Variants in TCF20 observed in about 807,000 individuals in gnomAD.
TCF20 encodes SPRE-binding protein.
Under a neutral mutation model 148.6 loss-of-function variants are expected in TCF20, and 3 were observed. The observed-to-expected ratio is 0.02, with a 90% CI of 0.01 to 0.05. The LOEUF (loss-of-function observed/expected upper bound fraction) is 0.05, where lower values mean the gene tolerates loss of function less well. Ranked by LOEUF, TCF20 falls within the 10% of genes least tolerant of loss-of-function variation. The pLI is 1.00. For missense variants in TCF20, 2,350 were observed against 2,429.3 expected (o/e 0.97, Z 0.69); for synonymous variants, 1,049 against 909.5 (o/e 1.15, Z -2.76).
chr22:42,175,382 C>G (rs368198046), intron 3 of TCF20, among the ~76,000 whole-genome samples: 1 of 152,020 alleles, frequency 6.6e-6, no homozygotes, highest in African/African-American at 2.4e-5. Context: ...CGCTCTGTTG[C>G]CAGGCTGGAG....
chr22:42,340,160 C>T (rs1458053789), intron 1 of TCF20, among the ~76,000 whole-genome samples: 1 of 152,174 alleles, frequency 6.6e-6, no homozygotes, highest in Non-Finnish European at 1.5e-5. Context: ...CAGACATTCC[C>T]AGGCCCAGGG....
At chr22:42,301,167 G>A (rs1303435180) in intron 1 of TCF20, among the ~76,000 whole-genome samples, 9 of 152,214 alleles carry the variant, frequency 5.9e-5, no homozygotes, top group African/African-American at 1.7e-4. Context: ...TCAGAAATGC[G>A]GAAGTTTATC....
intron 3 of TCF20, among the ~76,000 whole-genome samples, chr22:42,171,894 C>T (rs978745225): frequency 1.3e-5 from 2 of 152,190 alleles, no homozygotes; most frequent in Non-Finnish European, 2.9e-5. Context: ...GCAAAGGGTG[C>T]CATCAGAAAG....
intron 1 of TCF20, among the ~76,000 whole-genome samples, chr22:42,277,677 C>T (rs1417124215): frequency 6.6e-6 from 1 of 152,108 alleles, no homozygotes; most frequent in Admixed American, 6.5e-5. Flanking sequence ...AGAGGCTTTG[C>T]GACTTTATCC....
At position 42,199,706 on chromosome 22, in the gene TCF20, CAAAAAAAAAAAAAAA is replaced by C. The variant is rs59845847; in HGVS notation, c.5655+9930_5655+9944del. Among the ~76,000 whole-genome samples the C allele has an allele frequency of 5.9e-4, 20 of 33,870 alleles. No homozygotes were observed. In the South Asian group the frequency reaches 0.017, roughly 29 times the overall value. The allele number at this position is 33,870 out of a possible 152,430, so 22.2% of individuals were successfully genotyped here. ...CTAACATGGCAAAACCCCATCTCTA[CAAAAAAAAAAAAAAA>C]AAAAAAAAAAAAAAAATTAGCCAGA... is the stretch of plus-strand genomic sequence containing the variant. On this transcript the variant is annotated intron_variant, in intron 2 of 5. Coordinates refer to ENST00000677622, the MANE Select transcript of TCF20 (RefSeq NM_001378418.1).
At chr22:42,209,474 G>C (rs1429453537) in intron 2 of TCF20, among the ~76,000 whole-genome samples, 177 bp downstream of exon 2, 1 of 152,266 alleles carries the variant, frequency 6.6e-6, no homozygotes, top group African/African-American at 2.4e-5. Context: ...AATGAAAAAC[G>C]ATTTTAGAAG....
At position 42,211,411 on chromosome 22, in the gene TCF20, A is replaced by G. The variant is rs1920959020; in HGVS notation, c.3895T>C (p.Tyr1299His). ...TCCTGACTGTGAGAAAGATGGGCAT[A>G]GGAATTGAATGCTTTATCAGCGCCT... ...KEGADKAFNSYAHLSHSQDIK... is the reference protein window; with the variant it reads ...KEGADKAFNSHAHLSHSQDIK... The change falls in exon 2 of 6, where the codon TAT (tyrosine) becomes CAT (histidine). Residue 1299 changes from tyrosine to histidine, a missense_variant. Physicochemically the swap from Tyr to His is moderately conservative, Grantham distance 83. This residue lies in a region of TCF20 where 1,641 missense variants were observed against 1,662.6 expected (regional missense o/e 0.99). Coordinates refer to ENST00000677622, the MANE Select transcript of TCF20 (RefSeq NM_001378418.1). 1.2e-6 allele frequency: 2 copies of G among 1,614,108 alleles called. No individual in the cohort carries two copies. The highest frequency in any genetic ancestry group is 1.7e-6 in the Non-Finnish European group (2 of 1,180,046).
At chr22:42,270,658 C>T (rs535207338), upstream of TCF20, among the ~76,000 whole-genome samples, 1,605 of 140,424 alleles carry the variant, frequency 0.011, 26 homozygotes, top group African/African-American at 0.038. Flanking sequence ...AATAACAGAG[C>T]GTCAGGTGAC....
rs762862108 is a variant in TCF20, at chr22:42,210,270, C to G, written c.5036G>C (p.Ser1679Thr). 4 of 1,614,112 alleles carry G rather than the reference C, an allele frequency of 2.5e-6. No homozygotes were observed. The highest frequency in any genetic ancestry group is 3.4e-6 in the Non-Finnish European group (4 of 1,180,054). The change falls in exon 2 of 6, where the codon AGC (serine) becomes ACC (threonine). Residue 1679 changes from serine (S) to threonine (T), a missense_variant. Coordinates refer to ENST00000677622, the MANE Select transcript of TCF20 (RefSeq NM_001378418.1). The surrounding 1 kb of genome is among the most constrained non-coding windows in gnomAD (Gnocchi z 4.7). ...SLTPPPSSTE[S>T]KALPASSFML... ...AAAGGACGAGGCCGGGAGCGCCTTG[C>G]TTTCAGTGCTGCTAGGTGGAGGGGT... is the stretch of plus-strand genomic sequence containing the variant.
At chr22:42,314,730 G>C (rs1020364134) in intron 1 of TCF20, among the ~76,000 whole-genome samples, 4 of 152,210 alleles carry the variant, frequency 2.6e-5, no homozygotes, top group African/African-American at 4.8e-5. Flanking sequence ...GCACCCGGTG[G>C]ATGTCTGCTG....
Position 42,213,971 on chromosome 22 carries a change from T to C in TCF20, c.1335A>G (p.Glu445=), listed in dbSNP as rs1195893444. 1 of 1,614,184 alleles carries C rather than the reference T, an allele frequency of 6.2e-7. No individual in the cohort carries two copies. The highest frequency in any genetic ancestry group is 2.2e-5 in the East Asian group (1 of 44,882). The change falls in exon 2 of 6, where the codon GAA becomes GAG. Residue 445 remains glutamate (E), a synonymous_variant. Coordinates refer to ENST00000677622, the MANE Select transcript of TCF20 (RefSeq NM_001378418.1). ...TCAACCCAGGATCTGTCAGTCGCTT[T>C]TCTGGTACCCCTTCTAGTCCAAACC... ...FKGFGLEGVP[E]KRLTDPGLSS...
At chr22:42,283,901 A>C (rs896809241) in exon 1 of TCF20, among the ~76,000 whole-genome samples, 1 of 152,110 alleles carries the variant, frequency 6.6e-6, no homozygotes, top group African/African-American at 2.4e-5. Flanking sequence ...GAGGAAAACA[A>C]CTCCTGAGCC....
chr22:42,281,770 G>A (rs966737677), intron 1 of TCF20, among the ~76,000 whole-genome samples: 1 of 152,234 alleles, frequency 6.6e-6, no homozygotes, highest in African/African-American at 2.4e-5. Context: ...GAGGGCAGCT[G>A]TTCCATCCTG....
At position 42,209,805 on chromosome 22, in the gene TCF20, C is replaced by T. The variant is rs772236797; in HGVS notation, c.5501G>A (p.Gly1834Asp). Residue 1834 changes from glycine (G) to aspartate (D), a missense_variant, in exon 2 of 6, where the codon GGT becomes GAT. This residue lies in a region of TCF20 where 374 missense variants were observed against 398.3 expected (regional missense o/e 0.94). Transcript: ENST00000677622. ...SKPSVPTTSE[G>D]GPELELQIPE... ...GATTTGTAACTCCAGCTCAGGGCCA[C>T]CTTCTGAAGTGGTGGGCACGGAGGG... 2 of 1,614,200 alleles carry T rather than the reference C, an allele frequency of 1.2e-6. No homozygotes were observed. The highest frequency in any genetic ancestry group is 2.2e-5 in the South Asian group (2 of 91,080).
intron 1 of TCF20, among the ~76,000 whole-genome samples, chr22:42,339,988 C>G (rs1317318878): frequency 2.0e-5 from 3 of 152,220 alleles, no homozygotes; most frequent in Non-Finnish European, 2.9e-5. Context: ...CCCCCTGCTC[C>G]TGACCTGGTC....
Position 42,210,092 on chromosome 22 carries a change from A to T in TCF20, c.5214T>A (p.Pro1738=), listed in dbSNP as rs1427183134. ...DYAATLPKNP[P]PKRATEMQSK... Reference sequence around the variant, plus strand: ...TCTGCATTTCTGTGGCCCTCTTAGGAGGTGGATTCTTCGGGAGAGTGGCTG... The same window carrying T: ...TCTGCATTTCTGTGGCCCTCTTAGGTGGTGGATTCTTCGGGAGAGTGGCTG... The change falls in exon 2 of 6, where the codon CCT becomes CCA. Residue 1738 remains proline (P), a synonymous_variant. Transcript: ENST00000677622. This position sits in a 1 kb window ranked among gnomAD's most constrained non-coding sequence, Gnocchi z 4.7. 2 of 1,613,744 alleles carry T rather than the reference A, an allele frequency of 1.2e-6. No individual in the cohort carries two copies. Among genetic ancestry groups the T allele is most frequent in the East Asian group, 2.2e-5 (1 of 44,876 alleles).
At chr22:42,234,645 C>G (rs1223671566) in intron 1 of TCF20, among the ~76,000 whole-genome samples, 1 of 152,034 alleles carries the variant, frequency 6.6e-6, no homozygotes, top group African/African-American at 2.4e-5. Flanking sequence ...GAAGATTGAG[C>G]GTCCCACTTA....
At chr22:42,161,954 T>A (rs1275716576) in intron 5 of TCF20, among the ~76,000 whole-genome samples, 1 of 147,820 alleles carries the variant, frequency 6.8e-6, no homozygotes, top group Non-Finnish European at 1.5e-5. Context: ...CACGCCACCA[T>A]GCTTGGCTAA....
intron 2 of TCF20, among the ~76,000 whole-genome samples, chr22:42,191,157 C>G (rs1473173764): frequency 1.3e-5 from 2 of 152,196 alleles, no homozygotes; most frequent in African/African-American, 2.4e-5. Context: ...TAATTTTTCT[C>G]TTGCACAAAA....
Sources: allele counts gnomAD v4.1 joint callset (sites outside exome capture counted in the v4.1 genomes callset), GRCh38; gene constraint gnomAD v4.1.1; regional missense constraint gnomAD v4.1.1; non-coding constraint Gnocchi (gnomAD v3.1); transcripts MANE v1.5; gene names NCBI Gene and HGNC (gene_info 2026-07-23, HGNC 2026-07-21).